Variants in IL1RAPL2 observed in about 807,000 individuals in gnomAD.
IL1RAPL2 encodes the protein interleukin 1 receptor accessory protein like 2.
In IL1RAPL2, 3 loss-of-function variants were observed where a neutral mutation model predicts 44.1. That is an observed-to-expected ratio of 0.07 (90% CI 0.03 to 0.18). The LOEUF (loss-of-function observed/expected upper bound fraction) is 0.18. IL1RAPL2 is among the 10% of genes least tolerant of loss of function. The pLI, the probability that IL1RAPL2 is intolerant of heterozygous loss-of-function variation, is 1.00. For synonymous variants in IL1RAPL2, 181 were observed against 178.8 expected, an observed-to-expected ratio of 1.01 and a Z score of -0.10; for missense variants, 391 against 496.4, an observed-to-expected ratio of 0.79 and a Z score of 2.02.
chrX:104,641,338 C>T (rs1929930842), intron 1 of IL1RAPL2, among the ~76,000 whole-genome samples: 1 of 111,309 alleles, frequency 9.0e-6, no homozygotes, highest in Admixed American at 9.5e-5. Flanking sequence ...CAAAACTAGT[C>T]TGGGTAAGCT....
rs752540122 is a variant in IL1RAPL2, at chrX:104,587,382, T to G, written c.-20+20331T>G. 1.7e-3 allele frequency among the ~76,000 whole-genome samples: 192 copies of G among 112,077 alleles called. 1 individual carries two copies. The highest frequency in any genetic ancestry group is 3.1e-3 in the Non-Finnish European group (165 of 53,200). ...GTCCTGGAACTGTGGCACAGGCATG[T>G]GCATTCTAAGAAATCTCCTTGGGGA... On this transcript the variant is annotated intron_variant, in intron 1 of 10. Transcript: ENST00000372582.
At chrX:104,669,362 G>A (rs764505286) in intron 2 of IL1RAPL2, among the ~76,000 whole-genome samples, 3 of 110,888 alleles carry the variant, frequency 2.7e-5, no homozygotes, top group African/African-American at 9.8e-5. Context: ...GGTCCTATCT[G>A]TATCTTTCTG....
intron 2 of IL1RAPL2, among the ~76,000 whole-genome samples, chrX:104,932,004 T>A (rs1415686316): frequency 9.7e-6 from 1 of 102,746 alleles, no homozygotes; most frequent in Non-Finnish European, 2.0e-5. Context: ...ATATTTTTTT[T>A]TTTTTGAGAC....
At chrX:104,971,610 A>G (rs2030238428) in intron 2 of IL1RAPL2, among the ~76,000 whole-genome samples, 1 of 111,162 alleles carries the variant, frequency 9.0e-6, no homozygotes, top group Admixed American at 9.6e-5. Flanking sequence ...AGTCTATTAT[A>G]GAGAACTACA....
intron 2 of IL1RAPL2, among the ~76,000 whole-genome samples, chrX:105,073,937 A>G: frequency 9.0e-6 from 1 of 111,315 alleles, no homozygotes; most frequent in East Asian, 2.8e-4. Flanking sequence ...GATTCTGGAT[A>G]TTAGCCCTTT....
intron 1 of IL1RAPL2, among the ~76,000 whole-genome samples, chrX:104,592,983 C>T (rs2147997473): frequency 9.0e-6 from 1 of 111,428 alleles, no homozygotes; most frequent in East Asian, 2.8e-4. Flanking sequence ...TAAAAGTGAT[C>T]CAGAGACTTA....
intron 2 of IL1RAPL2, among the ~76,000 whole-genome samples, chrX:105,159,202 G>C (rs2033298909): frequency 8.9e-6 from 1 of 112,670 alleles, no homozygotes; most frequent in African/African-American, 3.2e-5. Context: ...ATAAGAAGTG[G>C]ATCAGCCTTT....
At chrX:105,651,981 C>T (rs1194768535) in intron 6 of IL1RAPL2, among the ~76,000 whole-genome samples, 1 of 111,718 alleles carries the variant, frequency 9.0e-6, no homozygotes, top group Non-Finnish European at 1.9e-5. Flanking sequence ...TGACCTTCAC[C>T]GAGTATATGC....
rs1275850672 is a variant in IL1RAPL2, at chrX:104,566,855, A to G, written c.-216A>G. ...AGTATCCTCTTTGGCTAAGACAGGG[A>G]GTGGAAAAAACAGGCGGGGCTGTAC... On this transcript the variant is annotated 5_prime_UTR_variant, in exon 1 of 11. Transcript: ENST00000372582. The G allele has an allele frequency of 1.8e-5, 2 of 112,439 alleles. No individual in the cohort carries two copies. Among genetic ancestry groups the G allele is most frequent in the African/African-American group, 6.5e-5 (2 of 30,972 alleles). The allele number at this position is 112,439 out of a possible 1,213,427, so 9.3% of individuals were successfully genotyped here. A position where few individuals can be genotyped will look rare whatever the true frequency, so the allele number is the denominator to read the frequency against.
intron 2 of IL1RAPL2, among the ~76,000 whole-genome samples, chrX:105,008,421 AAG>A (rs780980091): frequency 2.7e-5 from 3 of 111,287 alleles, no homozygotes; most frequent in African/African-American, 9.8e-5. Flanking sequence ...TCTAATCAAA[AAG>A]AGAATTTTTT....
chrX:105,640,713 TAC>T (rs1244276050), intron 6 of IL1RAPL2, among the ~76,000 whole-genome samples: 8 of 96,149 alleles, frequency 8.3e-5, no homozygotes, highest in Non-Finnish European at 1.2e-4. Context: ...TACATATATA[TAC>T]ACACACATAT....
chrX:105,298,293 G>C (rs899734486), intron 5 of IL1RAPL2, among the ~76,000 whole-genome samples: 2 of 111,775 alleles, frequency 1.8e-5, no homozygotes, highest in Non-Finnish European at 3.8e-5. Flanking sequence ...TGAATGATTA[G>C]ACTAAAATGG....
intron 6 of IL1RAPL2, among the ~76,000 whole-genome samples, chrX:105,624,869 G>T (rs2037442886): frequency 8.9e-6 from 1 of 111,941 alleles, no homozygotes; most frequent in South Asian, 3.7e-4. Context: ...TATCTAAAAA[G>T]ATGGTTGTGA....
At chrX:104,855,681 G>GTTTT (rs1556002120) in intron 2 of IL1RAPL2, among the ~76,000 whole-genome samples, 2 of 53,860 alleles carry the variant, frequency 3.7e-5, no homozygotes, top group Admixed American at 1.9e-4. Context: ...ATCTGGATCC[G>GTTTT]TTTTTTTTTT....
At chrX:105,497,477 A>C (rs1214095063) in intron 6 of IL1RAPL2, among the ~76,000 whole-genome samples, 1 of 111,882 alleles carries the variant, frequency 8.9e-6, no homozygotes, top group Non-Finnish European at 1.9e-5. Context: ...ACTAATAATA[A>C]ATGTTAATTA....
At chrX:104,857,233 G>A (rs1402073411) in intron 2 of IL1RAPL2, among the ~76,000 whole-genome samples, 3 of 111,855 alleles carry the variant, frequency 2.7e-5, no homozygotes, top group African/African-American at 9.7e-5. Flanking sequence ...TTAATGGTAA[G>A]ACAGGCAGGT....
chrX:105,032,795 C>G lies in IL1RAPL2; in HGVS notation c.83-162680C>G, dbSNP rs767691578. Among the ~76,000 whole-genome samples the G allele has an allele frequency of 2.4e-3, 271 of 111,117 alleles. 1 individual carries two copies. Among genetic ancestry groups the G allele is most frequent in the African/African-American group, 8.5e-3 (261 of 30,544 alleles). ...CTGGGTATCCTTGTTAACTTTCTGT[C>G]TCGTTGATCTGTCTAATGTTGACAG... On this transcript the variant is annotated intron_variant, in intron 2 of 10. Coordinates refer to ENST00000372582, the MANE Select transcript of IL1RAPL2 (RefSeq NM_017416.2).
At chrX:105,447,306 AATATAAATAT>A (rs1276335077) in intron 5 of IL1RAPL2, among the ~76,000 whole-genome samples, 55 of 60,511 alleles carry the variant, frequency 9.1e-4, no homozygotes, top group African/African-American at 3.2e-3. Context: ...TATATATATA[AATATAAATAT>A]ATATAAATAT....
chrX:104,607,073 G>A (rs1929031896), intron 1 of IL1RAPL2, among the ~76,000 whole-genome samples: 1 of 111,362 alleles, frequency 9.0e-6, no homozygotes, highest in African/African-American at 3.3e-5. Context: ...AGAGGCCTCG[G>A]GAACAACACC....
Sources: allele counts gnomAD v4.1 joint callset (sites outside exome capture counted in the v4.1 genomes callset), GRCh38; gene constraint gnomAD v4.1.1; transcripts MANE v1.5; gene names NCBI Gene and HGNC (gene_info 2026-07-23, HGNC 2026-07-21).